CFHR1: variants seen among roughly 807,000 people sequenced by gnomAD.
CFHR1 encodes complement factor H-related protein 1.
CFHR1 carries 22 observed loss-of-function variants against 30.4 expected under a neutral mutation model. That is an observed-to-expected ratio of 0.72 (90% CI 0.52 to 1.03). The LOEUF is 1.03. Ranked by LOEUF, CFHR1 falls within the 50% of genes least tolerant of loss-of-function variation. CFHR1 has a pLI of 0.00. For missense variants in CFHR1, 248 were observed against 380.6 expected (o/e 0.65, Z 2.90); for synonymous variants, 95 against 129.1 (o/e 0.74, Z 1.79).
chr1:196,826,879 C>A lies in CFHR1; in HGVS notation c.304C>A (p.Gln102Lys), dbSNP rs760895289. ...AAATGGTCATTCTGAATCTTCAGGA[C>A]AAACACATCTGGAAGGTGATACTGT... ...VENGHSESSG[Q>K]THLEGDTVQI... The change falls in exon 3 of 6, where the codon CAA (glutamine) becomes AAA (lysine). Residue 102 changes from glutamine to lysine, a missense_variant. By Grantham distance (53) the Gln-to-Lys change is moderately conservative (BLOSUM62 1). Around this residue, in one of 3 missense-constraint regions of CFHR1, gnomAD observed 121 missense variants for 162.6 expected, o/e 0.74. Transcript: ENST00000320493. The A allele has an allele frequency of 5.9e-6, 9 of 1,525,150 alleles. 1 individual carries two copies. The Admixed American group carries it at 1.6e-4, about 26-fold the overall frequency. The allele number at this position is 1,525,150 out of a possible 1,614,324, so 94.5% of individuals were successfully genotyped here.
Position 196,830,507 on chromosome 1 carries a change from G to A in CFHR1, c.615G>A (p.Thr205=), listed in dbSNP as rs75492463. ...TGAAATGATGTTTTTTAGATTCTACGGGAAAATGTGGGCCCCCTCCACCTA... is the reference window on the plus strand; with the variant it reads ...TGAAATGATGTTTTTTAGATTCTACAGGAAAATGTGGGCCCCCTCCACCTA... The part of the protein sequence containing the change: ...WTEPPQCKDS[T]GKCGPPPPID... The change falls in exon 5 of 6, where the codon ACG becomes ACA. Residue 205 remains threonine, a synonymous_variant. Transcript: ENST00000320493. 134 of 1,524,768 alleles carry A rather than the reference G, an allele frequency of 8.8e-5. 21 individuals are homozygous for A. Among genetic ancestry groups the A allele is most frequent in the Admixed American group, 2.6e-4 (15 of 57,924 alleles). The allele number at this position is 1,524,768 out of a possible 1,614,324, so 94.5% of individuals were successfully genotyped here.
intron 2 of CFHR1, among the ~76,000 whole-genome samples, chr1:196,826,279 T>A (rs1242914282): frequency 7.4e-6 from 1 of 134,882 alleles, no homozygotes; most frequent in Non-Finnish European, 1.6e-5. Flanking sequence ...ATGAAGAGGT[T>A]CTTTTGTCCC....
rs1294952495 is a variant in CFHR1 at position 196,829,630 on chromosome 1, T to A, written c.608-870T>A. Among the ~76,000 whole-genome samples, 5 of 135,236 alleles carry A rather than the reference T, an allele frequency of 3.7e-5. 1 individual carries two copies. Among genetic ancestry groups the A allele is most frequent in the African/African-American group, 1.6e-4 (5 of 31,666 alleles). The allele number at this position is 135,236 out of a possible 152,430, so 88.7% of individuals were successfully genotyped here. On this transcript the variant is annotated intron_variant, in intron 4 of 5. Transcript: ENST00000320493. The stretch of plus-strand genomic sequence containing the variant: ...GACAGTTCTTTGAACACTTGAAAAC[T>A]GTGCCACATGGTTATAGATGAAAAA...
chr1:196,826,729 A>C, intron 2 of CFHR1, 100 bp from the exon 3 acceptor site: 1 of 1,147,818 alleles, frequency 8.7e-7, no homozygotes, highest in Non-Finnish European at 1.2e-6. Context: ...AGATTACCAG[A>C]GTGAGCCACT....
Position 196,821,986 on chromosome 1 carries a change from TTGTAAG to T in CFHR1, c.58+2086_58+2091del, listed in dbSNP as rs1217800467. ...AATACTGTGGGCAACTGTAGCACAATTGTAAGTATATGTTTATCTCAATATAGAAAA... is the reference window on the plus strand; with the variant it reads ...AATACTGTGGGCAACTGTAGCACAATTATATGTTTATCTCAATATAGAAAA... On this transcript the variant is annotated intron_variant, in intron 1 of 5. Coordinates refer to ENST00000320493, the MANE Select transcript of CFHR1 (RefSeq NM_002113.3). 7.9e-5 allele frequency among the ~76,000 whole-genome samples: 10 copies of T among 126,310 alleles called. 3 individuals carry two copies. The highest frequency in any genetic ancestry group is 3.2e-4 in the African/African-American group (9 of 27,890). 82.9% of individuals were successfully genotyped at this position (126,310 alleles called of 152,430 possible). A position where few individuals can be genotyped will look rare whatever the true frequency, so the allele number is the denominator to read the frequency against.
In CFHR1 at chr1:196,828,795, G is replaced by GTT. The variant is rs61334687; in HGVS notation, c.607+563_607+564dup. 4.3e-4 allele frequency among the ~76,000 whole-genome samples: 49 copies of GTT among 113,394 alleles called. 4 individuals carry two copies. Among genetic ancestry groups the GTT allele is most frequent in the East Asian group, 2.6e-3 (12 of 4,626 alleles). The allele number at this position is 113,394 out of a possible 152,430, so 74.4% of individuals were successfully genotyped here. On this transcript the variant is annotated intron_variant, in intron 4 of 5. Coordinates refer to ENST00000320493, the MANE Select transcript of CFHR1 (RefSeq NM_002113.3). The stretch of plus-strand genomic sequence containing the variant: ...TGTTTTAAAATTAATGTTGTCCTGT[G>GTT]TTTTTTTTTTTTTTTCACTATTTTA...
rs1173767215 is a variant in CFHR1, at chr1:196,823,072, ACT to A, written c.59-2404_59-2403del. Among the ~76,000 whole-genome samples, 19 of 121,408 alleles carry A rather than the reference ACT, an allele frequency of 1.6e-4. 3 individuals carry two copies. The highest frequency in any genetic ancestry group is 1.4e-3 in the Admixed American group (17 of 12,468). 79.6% of individuals were successfully genotyped at this position (121,408 alleles called of 152,430 possible). A position where few individuals can be genotyped will look rare whatever the true frequency, so the allele number is the denominator to read the frequency against. On this transcript the variant is annotated intron_variant, in intron 1 of 5. Coordinates refer to ENST00000320493, the MANE Select transcript of CFHR1 (RefSeq NM_002113.3). ...CCAAAATGTCATTATGTGGTGAATA[ACT>A]GTACGACTGTATATATATATATATA...
rs1231293427 is a variant in CFHR1, at chr1:196,820,694, G to T, written c.58+792G>T. On this transcript the variant is annotated intron_variant, in intron 1 of 5. Transcript: ENST00000320493. ...CAAAAAGTTTTTACTTTACTGTTTG[G>T]CTGTTTCCTAATGTTTCCAGACCTT... Among the ~76,000 whole-genome samples, 5 of 120,882 alleles carry T rather than the reference G, an allele frequency of 4.1e-5. 1 individual carries two copies. The highest frequency in any genetic ancestry group is 1.8e-4 in the African/African-American group (5 of 28,532). The allele number at this position is 120,882 out of a possible 152,430, so 79.3% of individuals were successfully genotyped here.
chr1:196,825,629 A>G lies in CFHR1; in HGVS notation c.211A>G (p.Thr71Ala). 6.6e-7 allele frequency: 1 copy of G among 1,525,184 alleles called. No individual in the cohort carries two copies. The allele number at this position is 1,525,184 out of a possible 1,614,324, so 94.5% of individuals were successfully genotyped here. Residue 71 changes from threonine (T) to alanine (A), a missense_variant, in exon 2 of 6, where the codon ACA (threonine) becomes GCA (alanine). Physicochemically the swap from Thr to Ala is moderately conservative, Grantham distance 58 (BLOSUM62 0). Around this residue, in one of 3 missense-constraint regions of CFHR1, gnomAD observed 121 missense variants for 162.6 expected, o/e 0.74. Transcript: ENST00000320493. ...TTCAAAATCATTTTGGACTCGCATA[A>G]CATGCACAGAAGAAGGATGGTCACC... ...SPSKSFWTRI[T>A]CTEEGWSPTP... is the part of the protein sequence containing the mutation.
In CFHR1 at chr1:196,825,338, T is replaced by G. The variant is rs1655281301; in HGVS notation, c.59-139T>G. ...AGTGATGCTTTTCATTCCTAATTTG[T>G]ACACTGGAAAGCATTTAAGCTAAAG... On this transcript the variant is annotated intron_variant, in intron 1 of 5. Coordinates refer to ENST00000320493, the MANE Select transcript of CFHR1 (RefSeq NM_002113.3). The G allele has an allele frequency of 6.4e-6, 4 of 621,356 alleles. 1 individual carries two copies. Among genetic ancestry groups the G allele is most frequent in the South Asian group, 4.7e-5 (2 of 42,970 alleles). 38.5% of individuals were successfully genotyped at this position (621,356 alleles called of 1,614,324 possible). A position where few individuals can be genotyped will look rare whatever the true frequency, so the allele number is the denominator to read the frequency against.
intron 4 of CFHR1, 109 bp from the exon 5 acceptor site, chr1:196,830,391 C>A: frequency 4.9e-6 from 6 of 1,227,248 alleles, no homozygotes; most frequent in Non-Finnish European, 6.9e-6. Context: ...TACCAGAAAT[C>A]ACAAAACTGT....
chr1:196,826,700 T>C, intron 2 of CFHR1, 129 bp from the exon 3 acceptor site: 3 of 902,438 alleles, frequency 3.3e-6, no homozygotes, highest in Admixed American at 4.3e-5. Context: ...TCCACTCGCC[T>C]CAGCCTCCCA....
rs1188494274 is a variant in CFHR1 at position 196,830,057 on chromosome 1, G to A, written c.608-443G>A. 1.5e-5 allele frequency among the ~76,000 whole-genome samples: 2 copies of A among 134,964 alleles called. 1 individual carries two copies. Among genetic ancestry groups the A allele is most frequent in the Non-Finnish European group, 3.1e-5 (2 of 64,194 alleles). The allele number at this position is 134,964 out of a possible 152,430, so 88.5% of individuals were successfully genotyped here. On this transcript the variant is annotated intron_variant, in intron 4 of 5. Coordinates refer to ENST00000320493, the MANE Select transcript of CFHR1 (RefSeq NM_002113.3). ...CTGTCAGCTCCCCATGTATTATTAA[G>A]TATATTCAGTGTTTTTAAAAAATTT...
rs1034326825 is a variant in CFHR1 at position 196,826,641 on chromosome 1, G to C, written c.254-188G>C. ...ATTTTTGTATTTTTACTAGAAACAG[G>C]GTTTCACCATGTTGGCCAGGCAGGT... On this transcript the variant is annotated intron_variant, in intron 2 of 5. Transcript: ENST00000320493. 6.7e-5 allele frequency among the ~76,000 whole-genome samples: 9 copies of C among 133,918 alleles called. 1 individual carries two copies. Among genetic ancestry groups the C allele is most frequent in the Non-Finnish European group, 1.1e-4 (7 of 64,054 alleles). 87.9% of individuals were successfully genotyped at this position (133,918 alleles called of 152,430 possible). A position where few individuals can be genotyped will look rare whatever the true frequency, so the allele number is the denominator to read the frequency against.
In CFHR1 at chr1:196,823,030, A is replaced by G. The variant is rs528287196; in HGVS notation, c.59-2447A>G. On this transcript the variant is annotated intron_variant, in intron 1 of 5. Coordinates refer to ENST00000320493, the MANE Select transcript of CFHR1 (RefSeq NM_002113.3). ...TAATCTTATGGGTCCACTGTCATAT[A>G]AGTGATCAGTCATTGACCAAAATGT... is the stretch of plus-strand genomic sequence containing the variant. Among the ~76,000 whole-genome samples, 956 of 133,294 alleles carry G rather than the reference A, an allele frequency of 7.2e-3. 126 individuals are homozygous for G. Among genetic ancestry groups the G allele is most frequent in the Non-Finnish European group, 7.7e-3 (489 of 63,810 alleles). 87.4% of individuals were successfully genotyped at this position (133,294 alleles called of 152,430 possible). A position where few individuals can be genotyped will look rare whatever the true frequency, so the allele number is the denominator to read the frequency against.
At chr1:196,827,661 T>A (rs1448701553) in intron 3 of CFHR1, among the ~76,000 whole-genome samples, 2 of 134,562 alleles carry the variant, frequency 1.5e-5, no homozygotes, top group Non-Finnish European at 3.1e-5. Context: ...ATAAGCAGGA[T>A]GATTGCAAAC....
In CFHR1 at chr1:196,828,010, T is replaced by C. The variant is rs2336484; in HGVS notation, c.431-60T>C. On this transcript the variant is annotated intron_variant, in intron 3 of 5. Transcript: ENST00000320493. ...TCTTGAAACATATTTGTAACTGTAT[T>C]AGTTGATTTGCTACTCAAAATGAAC... The C allele has an allele frequency of 9.2e-6, 13 of 1,406,936 alleles. 1 individual carries two copies. The highest frequency in any genetic ancestry group is 6.7e-5 in the South Asian group (5 of 74,614). 87.2% of individuals were successfully genotyped at this position (1,406,936 alleles called of 1,614,324 possible).
Position 196,821,130 on chromosome 1 carries a change from C to G in CFHR1, c.58+1228C>G, listed in dbSNP as rs1315363829. 6.4e-5 allele frequency: 9 copies of G among 141,170 alleles called. 1 individual carries two copies. The highest frequency in any genetic ancestry group is 5.5e-4 in the Admixed American group (8 of 14,530). 8.7% of individuals were successfully genotyped at this position (141,170 alleles called of 1,614,324 possible). A position where few individuals can be genotyped will look rare whatever the true frequency, so the allele number is the denominator to read the frequency against. ...TTGGGATTGCAGGCATAAGCCACCA[C>G]GCCTGGCCCTTGAAATTCGTTTTAT... On this transcript the variant is annotated intron_variant, in intron 1 of 5. Coordinates refer to ENST00000320493, the MANE Select transcript of CFHR1 (RefSeq NM_002113.3).
rs1157768744 is a variant in CFHR1 at position 196,830,965 on chromosome 1, A to G, written c.790+283A>G. Among the ~76,000 whole-genome samples, 2 of 131,904 alleles carry G rather than the reference A, an allele frequency of 1.5e-5. 1 individual carries two copies. The highest frequency in any genetic ancestry group is 6.6e-5 in the African/African-American group (2 of 30,142). The allele number at this position is 131,904 out of a possible 152,430, so 86.5% of individuals were successfully genotyped here. ...ACATGGTGAAACCCCGTCTCTACTA[A>G]AAATACAGAATAATAATAATAACCG... On this transcript the variant is annotated intron_variant, in intron 5 of 5. Coordinates refer to ENST00000320493, the MANE Select transcript of CFHR1 (RefSeq NM_002113.3).
Sources: allele counts gnomAD v4.1 joint callset (sites outside exome capture counted in the v4.1 genomes callset), GRCh38; gene constraint gnomAD v4.1.1; regional missense constraint gnomAD v4.1.1; transcripts MANE v1.5; gene names NCBI Gene and HGNC (gene_info 2026-07-23, HGNC 2026-07-21).